CSMD2: variants seen among roughly 807,000 people sequenced by gnomAD.
CSMD2 encodes CUB and sushi domain-containing protein 2.
Under a neutral mutation model 398.5 loss-of-function variants are expected in CSMD2, and 130 were observed. The observed-to-expected ratio is 0.33, with a 90% CI of 0.28 to 0.38. The LOEUF is 0.38. Among genes scored for constraint, CSMD2 ranks in the 10% least tolerant of loss-of-function variants. CSMD2 has a pLI of 1.00. For synonymous variants in CSMD2, 1,828 were observed against 1,908.5 expected (o/e 0.96, Z 1.10); for missense variants, 3,829 against 4,764.9 (o/e 0.80, Z 5.78).
At chr1:33,772,035 C>G (rs1412736995) in intron 13 of CSMD2, 1 of 152,890 alleles carries the variant, frequency 6.5e-6, no homozygotes, top group African/African-American at 2.4e-5. Flanking sequence ...AACTCCAACC[C>G]CTTCCCCAAA....
At chr1:34,015,839 C>G (rs1258738156) in intron 3 of CSMD2, among the ~76,000 whole-genome samples, 1 of 152,094 alleles carries the variant, frequency 6.6e-6, no homozygotes, top group East Asian at 1.9e-4. Context: ...AGAGCAAGCC[C>G]CTATGCAGTT....
At chr1:33,808,642 G>A (rs903147967) in intron 10 of CSMD2, among the ~76,000 whole-genome samples, 2 of 151,780 alleles carry the variant, frequency 1.3e-5, no homozygotes, top group Non-Finnish European at 2.9e-5. Flanking sequence ...AAATCAGATT[G>A]AAAAATAATG....
chr1:33,742,541 C>T (rs4393118), intron 14 of CSMD2, among the ~76,000 whole-genome samples: 8 of 148,776 alleles, frequency 5.4e-5, no homozygotes, highest in African/African-American at 2.0e-4. Flanking sequence ...TTCTTGCTAT[C>T]TTTGGTGGCT....
rs1283357858 is a variant in CSMD2, at chr1:33,636,461, T to A, written c.4868A>T (p.Tyr1623Phe). 5 of 1,613,960 alleles carry A rather than the reference T, an allele frequency of 3.1e-6. No homozygotes were observed. The highest frequency in any genetic ancestry group is 1.3e-5 in the African/African-American group (1 of 74,890). ...CTCAACTTCGTAGCCCCCGTGGCAG[T>A]AGTAGGTGACGGAGGAGCCCAGCTT... ...DLKLGSSVTY[Y>F]CHGGYEVEGT... Residue 1623 changes from tyrosine to phenylalanine, a missense_variant, in exon 30 of 71, where the codon TAC becomes TTC. Physicochemically the swap from Tyr to Phe is conservative, Grantham distance 22. This residue lies in a region of CSMD2 where 2,001 missense variants were observed against 2,567.1 expected (regional missense o/e 0.78). Coordinates refer to ENST00000373381, the MANE Select transcript of CSMD2 (RefSeq NM_001281956.2). The surrounding 1 kb of genome is among the most constrained non-coding windows in gnomAD (Gnocchi z 4.8).
In CSMD2 at chr1:34,048,653, C is replaced by T. The variant is rs552353663; in HGVS notation, c.405-15947G>A. 2.0e-5 allele frequency among the ~76,000 whole-genome samples: 3 copies of T among 152,252 alleles called. No individual in the cohort carries two copies. In the East Asian group the frequency reaches 5.8e-4, roughly 29 times the overall value. ...GGTCTTCTCCTTACCTGCTCTGTAC[C>T]ACAATGCCCTTCCTGTTGGCCGCCA... is the stretch of plus-strand genomic sequence containing the variant. On this transcript the variant is annotated intron_variant, in intron 2 of 70. Transcript: ENST00000373381.
rs148025357 is a variant in CSMD2, at chr1:33,942,011, C to T, written c.518-6057G>A. Among the ~76,000 whole-genome samples the T allele has an allele frequency of 5.9e-5, 9 of 152,142 alleles. No individual in the cohort carries two copies. The East Asian group carries it at 9.7e-4, about 16-fold the overall frequency. ...GCATTTTTTGGTCTTTTTTGTTCAA[C>T]GCTGTTTCTCAGTTCCAAGAACAGT... On this transcript the variant is annotated intron_variant, in intron 3 of 70. Coordinates refer to ENST00000373381, the MANE Select transcript of CSMD2 (RefSeq NM_001281956.2).
chr1:33,605,152 TG>T, intron 42 of CSMD2, 129 bp downstream of exon 42: 1 of 873,936 alleles, frequency 1.1e-6, no homozygotes, highest in Non-Finnish European at 1.8e-6. Context: ...GAAAACAGGA[TG>T]GACCACAGTT....
chr1:33,670,482 TC>T (rs1380154447), intron 25 of CSMD2, among the ~76,000 whole-genome samples: 1 of 152,182 alleles, frequency 6.6e-6, no homozygotes, highest in Non-Finnish European at 1.5e-5. Context: ...GGAGGATACT[TC>T]CTATTTCTCT....
chr1:33,759,878 C>T (rs576896737), intron 13 of CSMD2, among the ~76,000 whole-genome samples: 99 of 152,132 alleles, frequency 6.5e-4, no homozygotes, highest in Non-Finnish European at 1.3e-3. Flanking sequence ...GGGATTGTCC[C>T]AAGCAAATAG....
At chr1:33,981,573 C>T (rs1048203589) in intron 3 of CSMD2, among the ~76,000 whole-genome samples, 7 of 152,182 alleles carry the variant, frequency 4.6e-5, no homozygotes, top group East Asian at 1.9e-4. Flanking sequence ...CACGTATTTC[C>T]GTCCTACTCT....
chr1:34,041,760 G>C (rs546810656), intron 2 of CSMD2, among the ~76,000 whole-genome samples: 1 of 152,212 alleles, frequency 6.6e-6, no homozygotes, highest in East Asian at 1.9e-4. Context: ...CATCCCTAGG[G>C]CCATGCTTGA....
Position 33,724,233 on chromosome 1 carries a change from T to C in CSMD2, c.2965A>G (p.Asn989Asp). 1.2e-6 allele frequency: 2 copies of C among 1,613,910 alleles called. No homozygotes were observed. The highest frequency in any genetic ancestry group is 2.7e-5 in the African/African-American group (2 of 74,992). Residue 989 changes from asparagine (N) to aspartate (D), a missense_variant, in exon 19 of 71, where the codon AAC becomes GAC. By Grantham distance (23) the Asn-to-Asp change is conservative. Around this residue, in one of 5 missense-constraint regions of CSMD2, gnomAD observed 2,001 missense variants for 2,567.1 expected, o/e 0.78. Coordinates refer to ENST00000373381, the MANE Select transcript of CSMD2 (RefSeq NM_001281956.2). Reference protein sequence around the residue: ...GFPDFYPNNLNCTWIIETSHG... With the variant: ...GFPDFYPNNLDCTWIIETSHG... ...GATGTTTCGATAATCCAGGTGCAGT[T>C]CAAGTTGTTGGGGTAGAAGTCAGGG... is the stretch of plus-strand genomic sequence containing the variant.
intron 52 of CSMD2, among the ~76,000 whole-genome samples, chr1:33,568,694 C>T (rs1400842562): frequency 3.9e-5 from 6 of 152,106 alleles, no homozygotes; most frequent in African/African-American, 1.2e-4. Flanking sequence ...GGCATTTCTA[C>T]CAGCTTCCTT....
At chr1:33,868,376 C>T (rs1640189348) in intron 5 of CSMD2, among the ~76,000 whole-genome samples, 1 of 152,198 alleles carries the variant, frequency 6.6e-6, no homozygotes, top group South Asian at 2.1e-4. Flanking sequence ...AGCAACTATT[C>T]TGGTGCTGGG....
intron 4 of CSMD2, among the ~76,000 whole-genome samples, chr1:33,932,152 G>A (rs1181932413): frequency 3.9e-5 from 6 of 152,182 alleles, no homozygotes; most frequent in Admixed American, 6.5e-5. Flanking sequence ...GCAGGTTTGG[G>A]GAAAGCAGGA....
chr1:33,766,864 C>T (rs146077076), intron 13 of CSMD2, among the ~76,000 whole-genome samples: 17 of 152,304 alleles, frequency 1.1e-4, no homozygotes, highest in African/African-American at 3.8e-4. Flanking sequence ...AAAGACCATA[C>T]GTTTTGAGTC....
intron 34 of CSMD2, 27 bp downstream of exon 34, chr1:33,625,024 C>G (rs914324738): frequency 1.9e-6 from 3 of 1,611,866 alleles, no homozygotes; most frequent in South Asian, 1.1e-5. Flanking sequence ...CCCCCGCACC[C>G]TCAACGCCCG....
intron 25 of CSMD2, among the ~76,000 whole-genome samples, chr1:33,682,702 A>AT (rs2149071502): frequency 6.6e-6 from 1 of 152,020 alleles, no homozygotes; most frequent in South Asian, 2.1e-4. Context: ...GCTTGTAGGG[A>AT]TTTTTTATAA....
At chr1:33,528,103 A>G (rs1654946348) in intron 64 of CSMD2, among the ~76,000 whole-genome samples, 1 of 152,206 alleles carries the variant, frequency 6.6e-6, no homozygotes, top group African/African-American at 2.4e-5. Context: ...ATTAAGACCA[A>G]GAAGCCCTCA....
Sources: gnomAD v4.1 joint callset for allele counts (sites outside exome capture counted in the v4.1 genomes callset) on GRCh38, gnomAD v4.1.1 for gene constraint, gnomAD v4.1.1 regional missense constraint, Gnocchi (gnomAD v3.1) non-coding constraint, MANE v1.5 for transcripts, NCBI Gene and HGNC (gene_info 2026-07-23, HGNC 2026-07-21) for gene names.